MAST1: variants seen among roughly 807,000 people sequenced by gnomAD.
MAST1 encodes the protein microtubule-associated serine/threonine-protein kinase 1.
MAST1 carries 40 observed loss-of-function variants against 124.6 expected under a neutral mutation model. The observed-to-expected ratio is 0.32, with a 90% CI of 0.25 to 0.42. The LOEUF (loss-of-function observed/expected upper bound fraction) is 0.42, where lower values mean the gene tolerates loss of function less well. Among genes scored for constraint, MAST1 ranks in the 10% least tolerant of loss-of-function variants. The probability of loss-of-function intolerance (pLI) is 1.00; values close to 1 mark genes in which losing one functional copy is unlikely to be tolerated. For synonymous variants in MAST1, 938 were observed against 939.4 expected (o/e 1.00, Z 0.03); for missense variants, 1,558 against 2,181.9 (o/e 0.71, Z 5.70).
At chr19:12,852,720 A>G (rs1969977665) in intron 10 of MAST1, among the ~76,000 whole-genome samples, 1 of 151,702 alleles carries the variant, frequency 6.6e-6, no homozygotes, top group Non-Finnish European at 1.5e-5. Context: ...CTGGTGGCAC[A>G]TGCCTCTAAT....
chr19:12,852,056 T>G (rs1969966679), intron 8 of MAST1, 21 bp downstream of exon 8: 1 of 1,613,776 alleles, frequency 6.2e-7, no homozygotes, highest in Non-Finnish European at 8.5e-7. Flanking sequence ...TGGGCATGGG[T>G]AGGGGTGGGT....
At chr19:12,871,480 G>A (rs562906970) in intron 24 of MAST1, among the ~76,000 whole-genome samples, 13 of 152,174 alleles carry the variant, frequency 8.5e-5, no homozygotes, top group South Asian at 4.2e-4. Context: ...GGTGGCGCTC[G>A]CCTGCAGTCC....
At chr19:12,873,282 G>C in intron 24 of MAST1, 42 bp from the exon 25 acceptor site, 1 of 1,584,078 alleles carries the variant, frequency 6.3e-7, no homozygotes, top group South Asian at 1.1e-5. Context: ...CTGAGCTCTG[G>C]CGTCCAGGTC....
intron 7 of MAST1, among the ~76,000 whole-genome samples, chr19:12,851,145 G>A (rs10401296): frequency 0.012 from 1,821 of 151,938 alleles, 40 homozygotes; most frequent in African/African-American, 0.042. Flanking sequence ...ATGGGGTTTT[G>A]CCATGTTGGG....
At chr19:12,860,396 G>A (rs903230047) in intron 12 of MAST1, among the ~76,000 whole-genome samples, 5 of 150,684 alleles carry the variant, frequency 3.3e-5, no homozygotes, top group East Asian at 3.9e-4. Flanking sequence ...GATTACAGGC[G>A]TGAACCACCA....
intron 20 of MAST1, 70 bp from the exon 21 acceptor site, chr19:12,868,573 G>A (rs1970192367): frequency 7.3e-7 from 1 of 1,370,724 alleles, no homozygotes; most frequent in East Asian, 2.3e-5. Context: ...GAGCATTCCA[G>A]GCAGGGAAAC....
At position 12,867,959 on chromosome 19, in the gene MAST1, G is replaced by A. The variant is rs750223028; in HGVS notation, c.2548G>A (p.Ala850Thr). 1.3e-6 allele frequency: 2 copies of A among 1,556,830 alleles called. No individual in the cohort carries two copies. Among genetic ancestry groups the A allele is most frequent in the Non-Finnish European group, 1.7e-6 (2 of 1,154,692 alleles). The change falls in exon 20 of 26, where the codon GCC becomes ACC. Residue 850 changes from alanine to threonine, a missense_variant. Transcript: ENST00000251472. ...GACTCAAGGGGAAGGCACCTCCAGC[G>A]CCGGGGACTCCGAGGCCAGTGAGTG... The part of the protein sequence containing the change: ...EETQGEGTSS[A>T]GDSEATDRPR...
At chr19:12,868,513 G>T in intron 20 of MAST1, 130 bp from the exon 21 acceptor site, 1 of 752,858 alleles carries the variant, frequency 1.3e-6, no homozygotes, top group Non-Finnish European at 2.2e-6. Flanking sequence ...AGGCATGCAG[G>T]TTACCTGCTC....
In MAST1 at chr19:12,867,963, G is replaced by A. The variant is rs1218746404; in HGVS notation, c.2552G>A (p.Gly851Glu). 2 of 1,552,482 alleles carry A rather than the reference G, an allele frequency of 1.3e-6. No individual in the cohort carries two copies. The highest frequency in any genetic ancestry group is 2.1e-5 in the Admixed American group (1 of 47,976). The change falls in exon 20 of 26, where the codon GGG becomes GAG. Residue 851 changes from glycine to glutamate, a missense_variant. By Grantham distance (98) the Gly-to-Glu change is moderately conservative (BLOSUM62 -2). This residue lies in a region of MAST1 where 287 missense variants were observed against 308.0 expected (regional missense o/e 0.93). Coordinates refer to ENST00000251472, the MANE Select transcript of MAST1 (RefSeq NM_014975.3). ...CAAGGGGAAGGCACCTCCAGCGCCG[G>A]GGACTCCGAGGCCAGTGAGTGCCCT... ...ETQGEGTSSA[G>E]DSEATDRPRP...
intron 10 of MAST1, among the ~76,000 whole-genome samples, chr19:12,857,654 C>T (rs561325164): frequency 2.6e-5 from 4 of 152,220 alleles, no homozygotes; most frequent in South Asian, 4.1e-4. Context: ...CCGCATGATC[C>T]GCCCACCTTG....
At position 12,843,587 on chromosome 19, in the gene MAST1, A is replaced by C; in HGVS notation, c.307A>C (p.Thr103Pro). 3 of 1,612,338 alleles carry C rather than the reference A, an allele frequency of 1.9e-6. No homozygotes were observed. The highest frequency in any genetic ancestry group is 2.5e-6 in the Non-Finnish European group (3 of 1,179,414). ...SLPSSGYGTN[T>P]PSSTVSSSCS... ...CCCTTCATCTGGCTATGGCACCAACACGCCCAGTTCCACCGTCTCGGTGAG... is the reference window on the plus strand; with the variant it reads ...CCCTTCATCTGGCTATGGCACCAACCCGCCCAGTTCCACCGTCTCGGTGAG... Residue 103 changes from threonine (T) to proline (P), a missense_variant, in exon 4 of 26, where the codon ACG becomes CCG. This residue lies in a region of MAST1 where 165 missense variants were observed against 315.3 expected (regional missense o/e 0.52). Coordinates refer to ENST00000251472, the MANE Select transcript of MAST1 (RefSeq NM_014975.3). The surrounding 1 kb of genome is among the most constrained non-coding windows in gnomAD (Gnocchi z 4.9).
intron 1 of MAST1, among the ~76,000 whole-genome samples, chr19:12,839,139 GT>G (rs1365435508): frequency 8.4e-6 from 1 of 119,552 alleles, no homozygotes; most frequent in Non-Finnish European, 1.7e-5. Context: ...AAAAGGGGGG[GT>G]TTATCATAAC....
chr19:12,850,395 G>A (rs1969946741), intron 7 of MAST1, among the ~76,000 whole-genome samples: 1 of 152,152 alleles, frequency 6.6e-6, no homozygotes, highest in South Asian at 2.1e-4. Context: ...ATAGGTATTA[G>A]GGCTGAGACC....
chr19:12,861,859 C>A (rs532769037), intron 12 of MAST1, among the ~76,000 whole-genome samples: 2 of 151,754 alleles, frequency 1.3e-5, no homozygotes, highest in East Asian at 1.9e-4. Context: ...CCCGCCACCA[C>A]GCCCACCTAA....
Position 12,870,831 on chromosome 19 carries a change from A to G in MAST1, c.3011A>G (p.Glu1004Gly), listed in dbSNP as rs1424307343. Residue 1004 changes from glutamate to glycine, a missense_variant, in exon 23 of 26, where the codon GAG becomes GGG. This residue lies in a region of MAST1 where 291 missense variants were observed against 475.8 expected (regional missense o/e 0.61). Transcript: ENST00000251472. ...YSVHHIVWHV[E>G]EGGPAQEAGL... ...GGGGTGCTCTTTTCCCAGCATGTGG[A>G]GGAAGGAGGCCCAGCCCAGGAGGCA... is the stretch of plus-strand genomic sequence containing the variant. 1 of 1,605,186 alleles carries G rather than the reference A, an allele frequency of 6.2e-7. No homozygotes were observed. Among genetic ancestry groups the G allele is most frequent in the Non-Finnish European group, 8.5e-7 (1 of 1,175,132 alleles).
chr19:12,864,833 A>G lies in MAST1; in HGVS notation c.1391A>G (p.Lys464Arg). ...VEGGDCATLL[K>R]NIGALPVEMA... Reference sequence around the variant, plus strand: ...GGCGGCGACTGTGCCACCCTGCTGAAGAATATTGGAGCGCTGCCCGTAGAG... The same window carrying G: ...GGCGGCGACTGTGCCACCCTGCTGAGGAATATTGGAGCGCTGCCCGTAGAG... The change falls in exon 13 of 26, where the codon AAG (lysine) becomes AGG (arginine). Residue 464 changes from lysine (K) to arginine (R), a missense_variant. Lys to Arg is a conservative substitution (Grantham distance 26, BLOSUM62 2). Around this residue, in one of 10 missense-constraint regions of MAST1, gnomAD observed 145 missense variants for 350.0 expected, o/e 0.41. Transcript: ENST00000251472. 6.2e-7 allele frequency: 1 copy of G among 1,613,974 alleles called. No individual in the cohort carries two copies. Among genetic ancestry groups the G allele is most frequent in the Non-Finnish European group, 8.5e-7 (1 of 1,180,014 alleles).
chr19:12,847,764 TG>T lies in MAST1; in HGVS notation c.564+79del. ...GCTCGCCTTATCCCCGCGCGCCCCC[TG>T]GCGGCCTCGGTGCGCAGCGCAGGCT... On this transcript the variant is annotated intron_variant, in intron 6 of 25. Transcript: ENST00000251472. The surrounding 1 kb of genome is among the most constrained non-coding windows in gnomAD (Gnocchi z 5.5). 6.3e-7 allele frequency: 1 copy of T among 1,580,638 alleles called. No homozygotes were observed. Among genetic ancestry groups the T allele is most frequent in the Non-Finnish European group, 8.6e-7 (1 of 1,158,150 alleles).
intron 10 of MAST1, among the ~76,000 whole-genome samples, chr19:12,855,937 T>C (rs1231989515): frequency 7.1e-6 from 1 of 140,782 alleles, no homozygotes; most frequent in Non-Finnish European, 1.5e-5. Flanking sequence ...TGTAATTCTG[T>C]CAATTTTTTT....
At chr19:12,854,392 C>A (rs531749728) in intron 10 of MAST1, among the ~76,000 whole-genome samples, 2 of 152,036 alleles carry the variant, frequency 1.3e-5, no homozygotes, top group African/African-American at 4.8e-5. Context: ...CAAAGTGCTG[C>A]GATTACAGGC....
Sources: gnomAD v4.1 joint callset for allele counts (sites outside exome capture counted in the v4.1 genomes callset) on GRCh38, gnomAD v4.1.1 for gene constraint, gnomAD v4.1.1 regional missense constraint, Gnocchi (gnomAD v3.1) non-coding constraint, MANE v1.5 for transcripts, NCBI Gene and HGNC (gene_info 2026-07-23, HGNC 2026-07-21) for gene names.